Variants in GLDC observed in about 807,000 individuals in gnomAD.
The protein encoded by GLDC is glycine dehydrogenase (decarboxylating), mitochondrial.
A neutral mutation model predicts 121.3 loss-of-function variants in GLDC; 104 were observed. That is an observed-to-expected ratio of 0.86 (90% CI 0.73 to 1.01). The LOEUF is 1.01. Ranked by LOEUF, GLDC falls within the 50% of genes least tolerant of loss-of-function variation. GLDC has a pLI of 0.00. For missense variants in GLDC, 1,429 were observed against 1,306.6 expected, an observed-to-expected ratio of 1.09 and a Z score of -1.44; for synonymous variants, 546 against 480.6, an observed-to-expected ratio of 1.14 and a Z score of -1.78.
At chr9:6,566,521 G>A (rs1187091570) in intron 15 of GLDC, 2 of 152,204 alleles carry the variant, frequency 1.3e-5, no homozygotes, top group African/African-American at 4.8e-5. Flanking sequence ...GGCTCTCCCA[G>A]GCCCCGGATG....
intron 2 of GLDC, among the ~76,000 whole-genome samples, chr9:6,623,445 C>G (rs1037703733): frequency 1.3e-5 from 2 of 148,676 alleles, no homozygotes; most frequent in South Asian, 4.3e-4. Context: ...ATCACCACTC[C>G]GTAATCTCAA....
At chr9:6,629,734 CTTT>C (rs1819322109) in intron 2 of GLDC, among the ~76,000 whole-genome samples, 1 of 151,314 alleles carries the variant, frequency 6.6e-6, no homozygotes, top group Non-Finnish European at 1.5e-5. Flanking sequence ...CTTTTTGCTT[CTTT>C]GACAATCTAA....
chr9:6,558,976 C>T (rs1051909795), intron 16 of GLDC, among the ~76,000 whole-genome samples: 5 of 152,160 alleles, frequency 3.3e-5, no homozygotes, highest in African/African-American at 1.2e-4. Flanking sequence ...CTTATTCTAA[C>T]CTTGTCTCAG....
chr9:6,553,993 A>G (rs1295967318), intron 19 of GLDC, among the ~76,000 whole-genome samples: 2 of 152,162 alleles, frequency 1.3e-5, no homozygotes, highest in Non-Finnish European at 2.9e-5. Context: ...AGTCCAAGAA[A>G]AAAAAAACAA....
At chr9:6,575,261 C>T (rs960404499) in intron 15 of GLDC, among the ~76,000 whole-genome samples, 3 of 151,678 alleles carry the variant, frequency 2.0e-5, no homozygotes, top group African/African-American at 7.3e-5. Context: ...TGGGCTCCAT[C>T]CCCAGCGAAG....
intron 2 of GLDC, among the ~76,000 whole-genome samples, chr9:6,643,328 G>A (rs1819665943): frequency 6.6e-6 from 1 of 151,516 alleles, no homozygotes; most frequent in Admixed American, 6.6e-5. Flanking sequence ...AAAGGCAGCA[G>A]CCCTCAGCAT....
At chr9:6,536,830 CA>C (rs1354650602) in intron 22 of GLDC, among the ~76,000 whole-genome samples, 1 of 152,136 alleles carries the variant, frequency 6.6e-6, no homozygotes, top group African/African-American at 2.4e-5. Flanking sequence ...TTATTGTCCC[CA>C]TTTTGTATGA....
chr9:6,597,556 C>T (rs893713050), intron 8 of GLDC, among the ~76,000 whole-genome samples: 3 of 151,930 alleles, frequency 2.0e-5, no homozygotes, highest in Non-Finnish European at 2.9e-5. Context: ...CAAAGTAAGA[C>T]TCCCATCTCT....
chr9:6,533,099 C>G lies in GLDC; in HGVS notation c.2981G>C (p.Gly994Ala). ...GCAGGTACAAACCAGGTGCTGATCT[C>G]CATATATGTCATCAATCCGGGCAAT... ...PTIARIDDIYGDQHLVCTCPP... is the reference protein window; with the variant it reads ...PTIARIDDIYADQHLVCTCPP... The change falls in exon 25 of 25, where the codon GGA becomes GCA. Residue 994 changes from glycine (G) to alanine (A), a missense_variant. Physicochemically the swap from Gly to Ala is moderately conservative, Grantham distance 60. Transcript: ENST00000321612. 1.2e-6 allele frequency: 2 copies of G among 1,611,368 alleles called. No homozygotes were observed. Among genetic ancestry groups the G allele is most frequent in the Non-Finnish European group, 1.7e-6 (2 of 1,177,518 alleles).
chr9:6,622,917 A>G (rs185585810), intron 2 of GLDC: 17,411 of 186,358 alleles, frequency 0.093, 992 homozygotes, highest in East Asian at 0.13. Flanking sequence ...TGTGAGGAGC[A>G]CCTCTGCCTG....
chr9:6,620,472 A>G (rs1490163042), intron 2 of GLDC, among the ~76,000 whole-genome samples, 153 bp from the exon 3 acceptor site: 3 of 148,890 alleles, frequency 2.0e-5, no homozygotes, highest in Non-Finnish European at 3.0e-5. Context: ...TAAGTACTGT[A>G]TGCGACATCT....
At chr9:6,577,708 C>G (rs1818094855) in intron 15 of GLDC, among the ~76,000 whole-genome samples, 1 of 152,110 alleles carries the variant, frequency 6.6e-6, no homozygotes, top group Non-Finnish European at 1.5e-5. Flanking sequence ...TGCACACACA[C>G]ACACGCAGTT....
chr9:6,599,593 C>A (rs1049638545), intron 8 of GLDC, among the ~76,000 whole-genome samples: 2 of 150,132 alleles, frequency 1.3e-5, no homozygotes, highest in East Asian at 4.0e-4. Flanking sequence ...TGGTGGCAGG[C>A]GCCTGTAATC....
At chr9:6,573,391 G>A (rs1818002212) in intron 15 of GLDC, among the ~76,000 whole-genome samples, 1 of 152,114 alleles carries the variant, frequency 6.6e-6, no homozygotes, top group African/African-American at 2.4e-5. Context: ...AGCCCGGCAG[G>A]CAGACGTTGC....
intron 9 of GLDC, 162 bp from the exon 10 acceptor site, chr9:6,593,152 T>C: frequency 2.9e-6 from 2 of 681,578 alleles, no homozygotes; most frequent in Admixed American, 5.0e-5. Context: ...TTTATTATCA[T>C]GCTGTAGAAA....
At chr9:6,545,044 A>C (rs1397383428) in intron 21 of GLDC, among the ~76,000 whole-genome samples, 3 of 151,934 alleles carry the variant, frequency 2.0e-5, no homozygotes, top group Non-Finnish European at 4.4e-5. Context: ...GGTTGAGGTG[A>C]GCTGAGATTG....
At position 6,610,588 on chromosome 9, in the gene GLDC, T is replaced by G. The variant is rs12341084; in HGVS notation, c.471-232A>C. 0.28 allele frequency among the ~76,000 whole-genome samples: 42,097 copies of G among 152,024 alleles called. 6,302 individuals are homozygous for G. The highest frequency in any genetic ancestry group is 0.33 in the Non-Finnish European group (22,648 of 67,970). On this transcript the variant is annotated intron_variant, in intron 3 of 24. Transcript: ENST00000321612. The stretch of plus-strand genomic sequence containing the variant: ...TACTTATTTTTCTATCTCTCTGGTG[T>G]TGTTTTTTTGTTTTTTGTTTGTTGG...
At position 6,558,265 on chromosome 9, in the gene GLDC, G is replaced by A. The variant is rs80072048; in HGVS notation, c.2052+294C>T. The A allele has an allele frequency of 2.5e-5, 15 of 592,452 alleles. No homozygotes were observed. In the East Asian group the frequency reaches 3.9e-4, roughly 15 times the overall value. The allele number at this position is 592,452 out of a possible 1,614,324, so 36.7% of individuals were successfully genotyped here. ...GACTGCCATTTTGATTATTAAGTGG[G>A]GAAGGCGAGAAGGAGAGGGAAGATT... On this transcript the variant is annotated intron_variant, in intron 17 of 24. Transcript: ENST00000321612.
intron 16 of GLDC, 96 bp from the exon 17 acceptor site, chr9:6,558,780 G>C (rs996556252): frequency 7.9e-7 from 1 of 1,263,290 alleles, no homozygotes; most frequent in Non-Finnish European, 1.2e-6. Flanking sequence ...GCACAAATTA[G>C]ACACCACCTG....
Sources: gnomAD v4.1 joint callset for allele counts (sites outside exome capture counted in the v4.1 genomes callset) on GRCh38, gnomAD v4.1.1 for gene constraint, MANE v1.5 for transcripts, NCBI Gene and HGNC (gene_info 2026-07-23, HGNC 2026-07-21) for gene names.